The following SGK3 variants were observed in gnomAD, a reference collection of about 807,000 sequenced individuals.
SGK3 encodes serine/threonine-protein kinase Sgk3.
Under a neutral mutation model 68.5 loss-of-function variants are expected in SGK3, and 47 were observed. That is an observed-to-expected ratio of 0.69 (90% CI 0.54 to 0.87). SGK3 has a LOEUF of 0.87. Ranked by LOEUF, SGK3 falls within the 40% of genes least tolerant of loss-of-function variation. The pLI is 0.00. For missense variants in SGK3, 479 were observed against 575.5 expected (o/e 0.83, Z 1.72); for synonymous variants, 181 against 189.1 (o/e 0.96, Z 0.35).
chr8:66,844,437 C>T (rs1175699235), intron 14 of SGK3, among the ~76,000 whole-genome samples: 1 of 152,106 alleles, frequency 6.6e-6, no homozygotes, highest in East Asian at 1.9e-4. Flanking sequence ...CATAGGCTGG[C>T]CAGAGCTTCT....
intron 2 of SGK3, among the ~76,000 whole-genome samples, chr8:66,794,525 C>G (rs1028159053): frequency 6.6e-6 from 1 of 151,852 alleles, no homozygotes; most frequent in Non-Finnish European, 1.5e-5. Flanking sequence ...TCTGCTCTTC[C>G]TTGTAACTCC....
At chr8:66,762,731 C>A (rs1166772674) in intron 1 of SGK3, among the ~76,000 whole-genome samples, 1 of 152,050 alleles carries the variant, frequency 6.6e-6, no homozygotes, top group Non-Finnish European at 1.5e-5. Flanking sequence ...GTCTTTTATT[C>A]TGTATATCTG....
chr8:66,805,425 A>C (rs1452076968), intron 4 of SGK3, among the ~76,000 whole-genome samples: 7 of 151,554 alleles, frequency 4.6e-5, no homozygotes, highest in Non-Finnish European at 8.8e-5. Flanking sequence ...AGGCTGAGGC[A>C]GGAGAATTGC....
At chr8:66,822,486 T>C in intron 6 of SGK3, 27 bp downstream of exon 6, 1 of 1,596,912 alleles carries the variant, frequency 6.3e-7, no homozygotes. Flanking sequence ...CCTTTCTTAA[T>C]AGAAAAAATA....
intron 4 of SGK3, among the ~76,000 whole-genome samples, chr8:66,805,252 G>C (rs1031448436): frequency 6.6e-6 from 1 of 152,128 alleles, no homozygotes; most frequent in Non-Finnish European, 1.5e-5. Context: ...GGGCACGGTG[G>C]CTCACGCCTG....
At chr8:66,779,944 G>C (rs996775655) in intron 1 of SGK3, among the ~76,000 whole-genome samples, 1 of 151,938 alleles carries the variant, frequency 6.6e-6, no homozygotes, top group South Asian at 2.1e-4. Context: ...TTATCACACT[G>C]CATAAGCATC....
intron 1 of SGK3, among the ~76,000 whole-genome samples, chr8:66,791,206 A>G (rs1407230173): frequency 6.6e-6 from 1 of 152,218 alleles, no homozygotes; most frequent in Non-Finnish European, 1.5e-5. Context: ...GACCAGGGGA[A>G]CAAATACCTT....
At chr8:66,723,998 C>T (rs1422661926) in intron 1 of SGK3, among the ~76,000 whole-genome samples, 1 of 152,190 alleles carries the variant, frequency 6.6e-6, no homozygotes, top group African/African-American at 2.4e-5. Flanking sequence ...TATTAGACTG[C>T]ACCCCCTTTT....
intron 6 of SGK3, among the ~76,000 whole-genome samples, chr8:66,826,291 A>C (rs777301050): frequency 7.9e-5 from 12 of 152,168 alleles, no homozygotes; most frequent in Admixed American, 2.0e-4. Flanking sequence ...TTTATAAGAA[A>C]AATTTATTGA....
chr8:66,784,366 T>C (rs1379904641), intron 1 of SGK3, among the ~76,000 whole-genome samples: 1 of 152,206 alleles, frequency 6.6e-6, no homozygotes, highest in Non-Finnish European at 1.5e-5. Context: ...GGGACACGTT[T>C]GTTTTTATTT....
intron 1 of SGK3, among the ~76,000 whole-genome samples, chr8:66,777,737 C>G (rs910074740): frequency 1.3e-5 from 2 of 152,264 alleles, no homozygotes; most frequent in Admixed American, 6.5e-5. Flanking sequence ...AGTGAAAAGC[C>G]TGACATTCAG....
rs569813742 is a variant in SGK3 at position 66,712,849 on chromosome 8, G to A, written c.-122+16G>A. 1 of 151,600 alleles carries A rather than the reference G, an allele frequency of 6.6e-6. No individual in the cohort carries two copies. Among genetic ancestry groups the A allele is most frequent in the South Asian group, 2.1e-4 (1 of 4,834 alleles). 9.4% of individuals were successfully genotyped at this position (151,600 alleles called of 1,614,324 possible). A position where few individuals can be genotyped will look rare whatever the true frequency, so the allele number is the denominator to read the frequency against. ...GCGGGGCCAGGTAGGTGCGGGGCCGGCGGGAGGGTCCGCGCGCCCGGGACT... is the reference window on the plus strand; with the variant it reads ...GCGGGGCCAGGTAGGTGCGGGGCCGACGGGAGGGTCCGCGCGCCCGGGACT... On this transcript the variant is annotated intron_variant, in intron 1 of 16. Coordinates refer to ENST00000521198, the MANE Select transcript of SGK3 (RefSeq NM_001033578.3).
chr8:66,857,466 T>A (rs1418464803), intron 16 of SGK3, among the ~76,000 whole-genome samples: 1 of 152,076 alleles, frequency 6.6e-6, no homozygotes, highest in Non-Finnish European at 1.5e-5. Context: ...ATCACCTGAA[T>A]TTGTATCCCA....
In SGK3 at chr8:66,843,477, A is replaced by G; in HGVS notation, c.1004A>G (p.Lys335Arg). Reference protein sequence around the residue: ...PEYLAPEVIRKQPYDNTVDWW... With the variant: ...PEYLAPEVIRRQPYDNTVDWW... ...TATCTTGCACCTGAAGTAATTAGAAAACAGCCCTATGACAATACTGTAGAT... is the reference window on the plus strand; with the variant it reads ...TATCTTGCACCTGAAGTAATTAGAAGACAGCCCTATGACAATACTGTAGAT... Residue 335 changes from lysine to arginine, a missense_variant, in exon 14 of 17, where the codon AAA becomes AGA. Coordinates refer to ENST00000521198, the MANE Select transcript of SGK3 (RefSeq NM_001033578.3). 2 of 1,613,762 alleles carry G rather than the reference A, an allele frequency of 1.2e-6. No individual in the cohort carries two copies. The highest frequency in any genetic ancestry group is 1.7e-6 in the Non-Finnish European group (2 of 1,179,964).
chr8:66,818,468 T>C (rs1324389762), intron 5 of SGK3, among the ~76,000 whole-genome samples: 1 of 152,190 alleles, frequency 6.6e-6, no homozygotes, highest in African/African-American at 2.4e-5. Context: ...TACAGCTCAA[T>C]AAATTATGAG....
At chr8:66,736,778 C>T (rs1219108097) in intron 1 of SGK3, among the ~76,000 whole-genome samples, 1 of 152,056 alleles carries the variant, frequency 6.6e-6, no homozygotes, top group Non-Finnish European at 1.5e-5. Flanking sequence ...TGCCACCATG[C>T]CCAGCTAATT....
chr8:66,852,374 C>CTGG (rs1410784281), intron 16 of SGK3, among the ~76,000 whole-genome samples: 1 of 150,960 alleles, frequency 6.6e-6, no homozygotes, highest in Admixed American at 6.6e-5. Flanking sequence ...CTCCGCCTCC[C>CTGG]TGGTTCAGGA....
chr8:66,730,665 A>G (rs559453745), intron 1 of SGK3, among the ~76,000 whole-genome samples: 1 of 151,888 alleles, frequency 6.6e-6, no homozygotes, highest in East Asian at 1.9e-4. Context: ...TTGCATGTGT[A>G]TATCCAGTTG....
rs1230563706 is a variant in SGK3, at chr8:66,835,750, TTAAC to T, written c.526-10_526-7del. 1.2e-6 allele frequency: 2 copies of T among 1,607,434 alleles called. No homozygotes were observed. The highest frequency in any genetic ancestry group is 1.7e-5 in the Admixed American group (1 of 58,354). Reference sequence around the variant, plus strand: ...AATTTCTAATAGTATACACTAATGTTTAACTATAACAGGTTCTTCTTGCAAAACG... The same window carrying T: ...AATTTCTAATAGTATACACTAATGTTTATAACAGGTTCTTCTTGCAAAACG... On this transcript the variant is annotated splice_polypyrimidine_tract_variant and intron_variant, in intron 8 of 16. Coordinates refer to ENST00000521198, the MANE Select transcript of SGK3 (RefSeq NM_001033578.3).
Sources: allele counts gnomAD v4.1 joint callset (sites outside exome capture counted in the v4.1 genomes callset), GRCh38; gene constraint gnomAD v4.1.1; transcripts MANE v1.5; gene names NCBI Gene and HGNC (gene_info 2026-07-23, HGNC 2026-07-21).